Variants in SNTG1 observed in about 807,000 individuals in gnomAD.
SNTG1 encodes the protein syntrophin gamma 1, also known as gamma-1-syntrophin.
In SNTG1, 39 loss-of-function variants were observed where a neutral mutation model predicts 74.7. The observed-to-expected ratio is 0.52, with a 90% CI of 0.40 to 0.68. The LOEUF (loss-of-function observed/expected upper bound fraction) is 0.68, where lower values mean the gene tolerates loss of function less well. Among genes scored for constraint, SNTG1 ranks in the 30% least tolerant of loss-of-function variants. The pLI is 0.00. For missense variants in SNTG1, 685 were observed against 609.5 expected, an observed-to-expected ratio of 1.12 and a Z score of -1.30; for synonymous variants, 254 against 217.1, an observed-to-expected ratio of 1.17 and a Z score of -1.49.
chr8:50,071,387 AC>A (rs1821353107), intron 1 of SNTG1, among the ~76,000 whole-genome samples: 4 of 151,976 alleles, frequency 2.6e-5, no homozygotes, highest in Admixed American at 2.6e-4. Flanking sequence ...TTTTTCCCAG[AC>A]TCACAAACTT....
At chr8:50,401,052 C>A (rs2092798427) in intron 3 of SNTG1, among the ~76,000 whole-genome samples, 1 of 151,982 alleles carries the variant, frequency 6.6e-6, no homozygotes, top group African/African-American at 2.4e-5. Context: ...CAAAACCTCA[C>A]ATTGTTTGCC....
intron 18 of SNTG1, among the ~76,000 whole-genome samples, chr8:50,789,301 C>T (rs953805153): frequency 2.6e-5 from 4 of 151,918 alleles, no homozygotes; most frequent in East Asian, 1.9e-4. Flanking sequence ...ACTTTCTTGG[C>T]AACTACAGCT....
chr8:50,128,714 A>G (rs2081223175), intron 1 of SNTG1, among the ~76,000 whole-genome samples: 1 of 152,144 alleles, frequency 6.6e-6, no homozygotes, highest in African/African-American at 2.4e-5. Context: ...AAAGTAAGTT[A>G]ACTTAAGTTC....
intron 15 of SNTG1, among the ~76,000 whole-genome samples, chr8:50,688,752 T>C (rs2095364127): frequency 6.6e-6 from 1 of 152,146 alleles, no homozygotes; most frequent in Non-Finnish European, 1.5e-5. Flanking sequence ...TATTTTTTGG[T>C]TCCATATGAA....
chr8:50,584,970 A>C lies in SNTG1; in HGVS notation c.811-5909A>C, dbSNP rs138652707. The stretch of plus-strand genomic sequence containing the variant: ...AGTGCTTGGAAAGGAAAGTGCTCTC[A>C]GTCAAGGAAGCCTGAGGCCAGTATT... On this transcript the variant is annotated intron_variant, in intron 12 of 18. Transcript: ENST00000642720. 2.3e-3 allele frequency among the ~76,000 whole-genome samples: 347 copies of C among 152,230 alleles called. 1 individual carries two copies. Among genetic ancestry groups the C allele is most frequent in the Admixed American group, 4.4e-3 (67 of 15,290 alleles).
In SNTG1 at chr8:50,272,002, T is replaced by C. The variant is rs534432357; in HGVS notation, c.-28+99367T>C. Among the ~76,000 whole-genome samples, 26 of 152,170 alleles carry C rather than the reference T, an allele frequency of 1.7e-4. No homozygotes were observed. The South Asian group carries it at 5.4e-3, about 32-fold the overall frequency. On this transcript the variant is annotated intron_variant, in intron 2 of 18. Coordinates refer to ENST00000642720, the MANE Select transcript of SNTG1 (RefSeq NM_018967.5). ...ACCAGGTGAGAGTACAGCTAGAAGG[T>C]ATCATCTATGAGCCAGAAAGCAGCC...
At chr8:50,200,456 C>T (rs1420556499) in intron 2 of SNTG1, among the ~76,000 whole-genome samples, 1 of 152,014 alleles carries the variant, frequency 6.6e-6, no homozygotes, top group Non-Finnish European at 1.5e-5. Flanking sequence ...AAACTCAATC[C>T]CCAGACTTGG....
chr8:50,432,708 A>G (rs1428625904), intron 4 of SNTG1, among the ~76,000 whole-genome samples: 1 of 152,006 alleles, frequency 6.6e-6, no homozygotes, highest in African/African-American at 2.4e-5. Flanking sequence ...TTAGTTTCAT[A>G]TATAAATCCT....
intron 1 of SNTG1, among the ~76,000 whole-genome samples, chr8:50,073,744 G>T (rs1312519589): frequency 6.6e-6 from 1 of 151,928 alleles, no homozygotes; most frequent in African/African-American, 2.4e-5. Context: ...TTGTATGTCT[G>T]CCTCACAGCT....
At chr8:49,961,746 T>G (rs1810702279) in intron 1 of SNTG1, among the ~76,000 whole-genome samples, 1 of 152,182 alleles carries the variant, frequency 6.6e-6, no homozygotes, top group Non-Finnish European at 1.5e-5. Flanking sequence ...TGAAATGCCC[T>G]CTCTACATCA....
intron 13 of SNTG1, among the ~76,000 whole-genome samples, chr8:50,654,518 GA>G (rs2095168563): frequency 6.6e-6 from 1 of 152,066 alleles, no homozygotes; most frequent in Non-Finnish European, 1.5e-5. Context: ...GTCTGTATTA[GA>G]AAATTCCAAT....
intron 2 of SNTG1, among the ~76,000 whole-genome samples, chr8:50,323,409 T>G (rs2090608151): frequency 6.6e-6 from 1 of 152,190 alleles, no homozygotes; most frequent in Admixed American, 6.5e-5. Context: ...TTGTAAATGT[T>G]CTTTGGTGTC....
At chr8:50,625,368 C>T (rs868546498) in intron 13 of SNTG1, among the ~76,000 whole-genome samples, 42 of 152,250 alleles carry the variant, frequency 2.8e-4, no homozygotes, top group Middle Eastern at 6.8e-3. Flanking sequence ...ATTTAATGAA[C>T]GTTGTGAAGG....
At chr8:50,350,939 C>A (rs566552189) in intron 2 of SNTG1, among the ~76,000 whole-genome samples, 82 of 152,324 alleles carry the variant, frequency 5.4e-4, no homozygotes, top group Non-Finnish European at 1.1e-3. Flanking sequence ...CGTAGGTCCC[C>A]TTGGAGGCTG....
At chr8:50,665,124 C>T (rs755046452) in intron 15 of SNTG1, among the ~76,000 whole-genome samples, 1 of 151,954 alleles carries the variant, frequency 6.6e-6, no homozygotes, top group African/African-American at 2.4e-5. Context: ...AATACAGTCA[C>T]ACTGATATTC....
intron 18 of SNTG1, among the ~76,000 whole-genome samples, chr8:50,790,458 T>A (rs1384034353): frequency 6.6e-6 from 1 of 151,936 alleles, no homozygotes; most frequent in Non-Finnish European, 1.5e-5. Flanking sequence ...GTGGAAGCTG[T>A]CGGTGGATGG....
intron 4 of SNTG1, among the ~76,000 whole-genome samples, chr8:50,414,535 G>A (rs1013486159): frequency 3.3e-5 from 5 of 151,952 alleles, no homozygotes; most frequent in Admixed American, 6.6e-5. Context: ...GTCTCTGCTC[G>A]TACAGACTTC....
intron 2 of SNTG1, among the ~76,000 whole-genome samples, chr8:50,373,250 C>G (rs191287023): frequency 6.6e-5 from 10 of 152,020 alleles, no homozygotes; most frequent in African/African-American, 2.4e-4. Context: ...TATTAAACTC[C>G]CAGATCCTCT....
At chr8:50,710,298 A>T (rs778861294) in intron 17 of SNTG1, among the ~76,000 whole-genome samples, 2 of 152,246 alleles carry the variant, frequency 1.3e-5, no homozygotes, top group Non-Finnish European at 2.9e-5. Context: ...AAAACTTTCA[A>T]ATGAGGCTGC....
Sources: allele counts gnomAD v4.1 joint callset (sites outside exome capture counted in the v4.1 genomes callset), GRCh38; gene constraint gnomAD v4.1.1; transcripts MANE v1.5; gene names NCBI Gene and HGNC (gene_info 2026-07-23, HGNC 2026-07-21).